ITPR2: variants seen among roughly 807,000 people sequenced by gnomAD.
ITPR2 encodes inositol 1,4,5-trisphosphate-gated calcium channel ITPR2.
Under a neutral mutation model 317.1 loss-of-function variants are expected in ITPR2, and 207 were observed. That is an observed-to-expected ratio of 0.65 (90% CI 0.58 to 0.73). The LOEUF is 0.73. Among genes scored for constraint, ITPR2 ranks in the 30% least tolerant of loss-of-function variants. The pLI is 0.00. For missense variants in ITPR2, 2,613 were observed against 3,284.0 expected (o/e 0.80, Z 4.99); for synonymous variants, 1,156 against 1,149.1 (o/e 1.01, Z -0.12).
intron 8 of ITPR2, among the ~76,000 whole-genome samples, chr12:26,714,206 C>A (rs1331906187): frequency 6.6e-6 from 1 of 152,184 alleles, no homozygotes; most frequent in Non-Finnish European, 1.5e-5. Flanking sequence ...TGCATCTCGT[C>A]GGTAATTTGC....
At position 26,757,682 on chromosome 12, in the gene ITPR2, G is replaced by T. The variant is rs560698801; in HGVS notation, c.164-31917C>A. 1.5e-4 allele frequency among the ~76,000 whole-genome samples: 23 copies of T among 152,284 alleles called. 1 individual carries two copies. The South Asian group carries it at 4.6e-3, about 30-fold the overall frequency. On this transcript the variant is annotated intron_variant, in intron 2 of 56. Transcript: ENST00000381340. ...TTTCAATTTGTGATAGGTTTATCAG[G>T]ACATGTCCCCATTGTAATTCAAGGG... is the stretch of plus-strand genomic sequence containing the variant.
At chr12:26,790,541 T>C (rs1430268681) in intron 1 of ITPR2, among the ~76,000 whole-genome samples, 1 of 151,692 alleles carries the variant, frequency 6.6e-6, no homozygotes, top group East Asian at 1.9e-4. Flanking sequence ...GTTTACAGTA[T>C]GTAGTGAATG....
At chr12:26,628,954 A>G (rs921261200) in intron 22 of ITPR2, among the ~76,000 whole-genome samples, 1 of 152,210 alleles carries the variant, frequency 6.6e-6, no homozygotes, top group Non-Finnish European at 1.5e-5. Flanking sequence ...TTACATAGGT[A>G]CCATCTGTCC....
intron 48 of ITPR2, among the ~76,000 whole-genome samples, chr12:26,435,817 C>G (rs925524023): frequency 6.6e-6 from 1 of 152,026 alleles, no homozygotes; most frequent in Non-Finnish European, 1.5e-5. Flanking sequence ...TGTATGCTCA[C>G]TATAGAAACC....
chr12:26,748,872 T>C (rs1335276546), intron 2 of ITPR2, among the ~76,000 whole-genome samples: 1 of 152,102 alleles, frequency 6.6e-6, no homozygotes, highest in Non-Finnish European at 1.5e-5. Flanking sequence ...GAAGCCAGAA[T>C]TGAAAAACCC....
intron 35 of ITPR2, 25 bp downstream of exon 35, chr12:26,561,737 A>T: frequency 6.7e-7 from 1 of 1,491,982 alleles, no homozygotes; most frequent in Non-Finnish European, 8.9e-7. Context: ...AGAAAATATT[A>T]ATGCTATTTC....
At chr12:26,427,167 T>G (rs930237572) in intron 49 of ITPR2, among the ~76,000 whole-genome samples, 3 of 152,074 alleles carry the variant, frequency 2.0e-5, no homozygotes, top group African/African-American at 7.2e-5. Context: ...AGATCGAAAG[T>G]GTCTAGGTAT....
chr12:26,341,694 ATTCATTCAGT>A, intron 55 of ITPR2, among the ~76,000 whole-genome samples: 1 of 152,374 alleles, frequency 6.6e-6, no homozygotes, highest in Non-Finnish European at 1.5e-5. Flanking sequence ...TGACAGATTC[ATTCATTCAGT>A]CAATCCTTCA....
At position 26,744,422 on chromosome 12, in the gene ITPR2, C is replaced by T. The variant is rs775407633; in HGVS notation, c.164-18657G>A. Among the ~76,000 whole-genome samples, 203 of 152,342 alleles carry T rather than the reference C, an allele frequency of 1.3e-3. 3 individuals are homozygous for T. Among genetic ancestry groups the T allele is most frequent in the African/African-American group, 5.1e-4 (21 of 41,584 alleles). On this transcript the variant is annotated intron_variant, in intron 2 of 56. Transcript: ENST00000381340. The stretch of plus-strand genomic sequence containing the variant: ...GATTTCTGCACAGGTAACTCTGCCC[C>T]GACTCAGGCCTCCGCTCAAGTATCA...
At chr12:26,596,718 C>T (rs997696019) in intron 31 of ITPR2, among the ~76,000 whole-genome samples, 165 bp downstream of exon 31, 1 of 151,374 alleles carries the variant, frequency 6.6e-6, no homozygotes, top group Non-Finnish European at 1.5e-5. Context: ...AAAAGTAGAC[C>T]TTCTATGCTC....
chr12:26,521,585 T>A (rs1347948305), intron 37 of ITPR2, among the ~76,000 whole-genome samples: 1 of 152,122 alleles, frequency 6.6e-6, no homozygotes, highest in Non-Finnish European at 1.5e-5. Flanking sequence ...ATTTGGCCTT[T>A]TCAAACACTT....
intron 19 of ITPR2, among the ~76,000 whole-genome samples, 200 bp from the exon 20 acceptor site, chr12:26,656,052 TA>T (rs1947362505): frequency 6.6e-6 from 1 of 152,202 alleles, no homozygotes; most frequent in Non-Finnish European, 1.5e-5. Flanking sequence ...ACCACAATAT[TA>T]AGTACTTACA....
intron 38 of ITPR2, 38 bp from the exon 39 acceptor site, chr12:26,494,378 T>G (rs12371474): frequency 0.038 from 49,982 of 1,318,516 alleles, 1,085 homozygotes; most frequent in Non-Finnish European, 0.044. Context: ...ACCTTAATTG[T>G]AGACATTATT....
chr12:26,502,971 C>T (rs534648921), intron 37 of ITPR2, among the ~76,000 whole-genome samples: 5 of 152,212 alleles, frequency 3.3e-5, no homozygotes, highest in East Asian at 1.9e-4. Flanking sequence ...ACAATACATA[C>T]GGGGACATAT....
chr12:26,498,300 C>T (rs554055045), intron 37 of ITPR2, among the ~76,000 whole-genome samples: 1 of 152,272 alleles, frequency 6.6e-6, no homozygotes, highest in South Asian at 2.1e-4. Context: ...CACTTAAGTG[C>T]AGCACCTAGA....
chr12:26,641,643 A>G lies in ITPR2; in HGVS notation c.2741-9584T>C, dbSNP rs1335961067. On this transcript the variant is annotated intron_variant, in intron 21 of 56. Transcript: ENST00000381340. Reference sequence around the variant, plus strand: ...GATTAACAATAAAAATATGCAAAAGACCTAGAGGTGTGCTAGGTATTCTAT... The same window carrying G: ...GATTAACAATAAAAATATGCAAAAGGCCTAGAGGTGTGCTAGGTATTCTAT... Among the ~76,000 whole-genome samples, 2 of 152,172 alleles carry G rather than the reference A, an allele frequency of 1.3e-5. 1 individual carries two copies. The highest frequency in any genetic ancestry group is 6.3e-3 in the Middle Eastern group (2 of 316).
chr12:26,526,380 A>G (rs77779816), intron 37 of ITPR2, among the ~76,000 whole-genome samples: 2,600 of 152,296 alleles, frequency 0.017, 27 homozygotes, highest in Non-Finnish European at 0.027. Context: ...GGCAGAAGGA[A>G]TAGCAAATGC....
intron 2 of ITPR2, among the ~76,000 whole-genome samples, chr12:26,773,853 TAA>T (rs1274172620): frequency 1.3e-5 from 2 of 152,008 alleles, no homozygotes; most frequent in African/African-American, 2.4e-5. Context: ...TGGAGGAGAG[TAA>T]ACTTATTATC....
At chr12:26,607,809 A>G (rs1211156207) in intron 26 of ITPR2, among the ~76,000 whole-genome samples, 1 of 152,134 alleles carries the variant, frequency 6.6e-6, no homozygotes, top group Non-Finnish European at 1.5e-5. Flanking sequence ...GGCCGGGCGC[A>G]GTGGCTCACA....
Sources: gnomAD v4.1 joint callset for allele counts (sites outside exome capture counted in the v4.1 genomes callset) on GRCh38, gnomAD v4.1.1 for gene constraint, MANE v1.5 for transcripts, NCBI Gene and HGNC (gene_info 2026-07-23, HGNC 2026-07-21) for gene names.